The following BNC2 variants were observed in gnomAD, a reference collection of about 807,000 sequenced individuals.
BNC2 encodes zinc finger protein basonuclin-2.
BNC2 carries 20 observed loss-of-function variants against 76.3 expected under a neutral mutation model. That is an observed-to-expected ratio of 0.26 (90% confidence interval 0.18 to 0.38). BNC2 has a LOEUF of 0.38. BNC2 is among the 10% of genes least tolerant of loss of function. The probability of loss-of-function intolerance (pLI) is 1.00; values close to 1 mark genes in which losing one functional copy is unlikely to be tolerated. For synonymous variants in BNC2, 582 were observed against 514.8 expected, an observed-to-expected ratio of 1.13 and a Z score of -1.77; for missense variants, 1,382 against 1,399.8, an observed-to-expected ratio of 0.99 and a Z score of 0.20.
At chr9:16,725,247 AC>A (rs1824277855) in intron 3 of BNC2, among the ~76,000 whole-genome samples, 1 of 151,818 alleles carries the variant, frequency 6.6e-6, no homozygotes, top group East Asian at 1.9e-4. Flanking sequence ...ACACACACAC[AC>A]ACGTGCTGAA....
rs533340738 is a variant in BNC2 at position 16,734,859 on chromosome 9, A to G, written c.129+3501T>C. Among the ~76,000 whole-genome samples the G allele has an allele frequency of 2.0e-5, 3 of 152,324 alleles. No homozygotes were observed. The South Asian group carries it at 6.2e-4, about 32-fold the overall frequency. On this transcript the variant is annotated intron_variant, in intron 2 of 6. Coordinates refer to ENST00000380672, the MANE Select transcript of BNC2 (RefSeq NM_017637.6). ...AAGGTTGGAGGAGGACACAGGGTCA[A>G]ATCACTTTAAACAGTGGCACAAACA... is the stretch of plus-strand genomic sequence containing the variant.
At chr9:16,538,864 G>T (rs551413506) in intron 5 of BNC2, among the ~76,000 whole-genome samples, 1 of 152,294 alleles carries the variant, frequency 6.6e-6, no homozygotes, top group East Asian at 1.9e-4. Flanking sequence ...TGTCCAAAGA[G>T]TCTATTTACA....
At chr9:16,832,301 C>A in intron 1 of BNC2, 2 of 1,277,748 alleles carry the variant, frequency 1.6e-6, no homozygotes, top group South Asian at 1.3e-5. Context: ...GTCATGTTAT[C>A]AAGGGAAAAG....
At chr9:16,699,519 C>G (rs1823444834) in intron 3 of BNC2, among the ~76,000 whole-genome samples, 1 of 152,158 alleles carries the variant, frequency 6.6e-6, no homozygotes, top group Non-Finnish European at 1.5e-5. Flanking sequence ...ATTTTTTAAA[C>G]TAGTAATTGA....
chr9:16,732,268 T>A (rs1460643983), intron 2 of BNC2, among the ~76,000 whole-genome samples: 1 of 152,042 alleles, frequency 6.6e-6, no homozygotes, highest in Non-Finnish European at 1.5e-5. Context: ...TTTGCATGTA[T>A]GTTTGTAGGG....
intron 5 of BNC2, among the ~76,000 whole-genome samples, chr9:16,477,064 G>T (rs572768014): frequency 1.3e-5 from 2 of 152,212 alleles, no homozygotes; most frequent in East Asian, 3.9e-4. Context: ...AAAAGGAGAG[G>T]ACAGGAAGAA....
chr9:16,625,095 T>G (rs1206447564), intron 3 of BNC2, among the ~76,000 whole-genome samples: 1 of 152,194 alleles, frequency 6.6e-6, no homozygotes, highest in African/African-American at 2.4e-5. Context: ...TCAAACTGAA[T>G]CAAAACCCCT....
At chr9:16,760,496 G>A (rs1449352873) in intron 1 of BNC2, among the ~76,000 whole-genome samples, 1 of 152,068 alleles carries the variant, frequency 6.6e-6, no homozygotes, top group African/African-American at 2.4e-5. Flanking sequence ...GCCTAAAAAG[G>A]CTCCTTAGGC....
At position 16,540,107 on chromosome 9, in the gene BNC2, A is replaced by G. The variant is rs935258967; in HGVS notation, c.669+12423T>C. On this transcript the variant is annotated intron_variant, in intron 5 of 6. Transcript: ENST00000380672. ...TTAACATGCATAGTAAAAAAAAGAC[A>G]ATTTTCTTTCTGTATCTGACCCCCG... is the stretch of plus-strand genomic sequence containing the variant. Among the ~76,000 whole-genome samples, 40 of 151,486 alleles carry G rather than the reference A, an allele frequency of 2.6e-4. 1 individual carries two copies. Among genetic ancestry groups the G allele is most frequent in the Admixed American group, 2.1e-3 (32 of 15,220 alleles).
At chr9:16,663,505 C>G (rs1822175550) in intron 3 of BNC2, among the ~76,000 whole-genome samples, 1 of 152,064 alleles carries the variant, frequency 6.6e-6, no homozygotes. Flanking sequence ...CTCTGTGATT[C>G]TGGACTATAC....
chr9:16,518,343 A>C (rs1271646869), intron 5 of BNC2, among the ~76,000 whole-genome samples: 1 of 152,050 alleles, frequency 6.6e-6, no homozygotes, highest in Non-Finnish European at 1.5e-5. Context: ...CTGAGGTGGG[A>C]GGATTGCAAA....
intron 5 of BNC2, among the ~76,000 whole-genome samples, chr9:16,527,386 C>T (rs866075676): frequency 2.6e-5 from 4 of 152,192 alleles, no homozygotes; most frequent in Non-Finnish European, 5.9e-5. Flanking sequence ...CCCCAGACCC[C>T]TGTCTACCCC....
At chr9:16,468,038 C>CTTTTTTTTTTTTTTTT (rs1414982362) in intron 5 of BNC2, among the ~76,000 whole-genome samples, 1 of 146,180 alleles carries the variant, frequency 6.8e-6, no homozygotes, top group African/African-American at 2.6e-5. Context: ...TTCTTTCTTT[C>CTTTTTTTTTTTTTTTT]TCTTTTTTTT....
chr9:16,861,033 G>T (rs1819393302), intron 1 of BNC2, among the ~76,000 whole-genome samples: 1 of 60,698 alleles, frequency 1.6e-5, no homozygotes, highest in African/African-American at 4.1e-5. Context: ...GCAAGACTCT[G>T]TCTCAAAAAA....
intron 3 of BNC2, among the ~76,000 whole-genome samples, chr9:16,621,103 C>G (rs1820855118): frequency 6.6e-6 from 1 of 152,218 alleles, no homozygotes; most frequent in Admixed American, 6.5e-5. Context: ...AAGGATTCAA[C>G]AACGCCTGTG....
chr9:16,678,740 T>C (rs949369740), intron 3 of BNC2, among the ~76,000 whole-genome samples: 2 of 152,168 alleles, frequency 1.3e-5, no homozygotes, highest in Non-Finnish European at 1.5e-5. Context: ...GCTTTTATTT[T>C]ACAAATATAC....
At chr9:16,697,983 G>C (rs998442134) in intron 3 of BNC2, among the ~76,000 whole-genome samples, 3 of 152,126 alleles carry the variant, frequency 2.0e-5, no homozygotes, top group African/African-American at 7.2e-5. Context: ...TCCCAAATTA[G>C]TTTCTACTTA....
chr9:16,599,212 C>G (rs1820176869), intron 3 of BNC2, among the ~76,000 whole-genome samples: 1 of 152,308 alleles, frequency 6.6e-6, no homozygotes, highest in Middle Eastern at 3.4e-3. Context: ...CTACAAATAA[C>G]TGAACTGTGG....
chr9:16,798,133 T>C (rs571143626), intron 1 of BNC2, among the ~76,000 whole-genome samples: 20 of 152,340 alleles, frequency 1.3e-4, no homozygotes, highest in African/African-American at 3.8e-4. Flanking sequence ...TGTCTTTCTA[T>C]TCTAAATTTC....
Sources: gnomAD v4.1 joint callset for allele counts (sites outside exome capture counted in the v4.1 genomes callset) on GRCh38, gnomAD v4.1.1 for gene constraint, MANE v1.5 for transcripts, NCBI Gene and HGNC (gene_info 2026-07-23, HGNC 2026-07-21) for gene names.